The following MRPS18C variants were observed in gnomAD, a reference collection of about 807,000 sequenced individuals.
MRPS18C encodes mitochondrial ribosomal protein S18C, also known as small ribosomal subunit protein bS18m.
A neutral mutation model predicts 21.0 loss-of-function variants in MRPS18C; 21 were observed. That is an observed-to-expected ratio of 1.00 (90% CI 0.71 to 1.44). The LOEUF is 1.44. Among genes scored for constraint, MRPS18C ranks in the 40% most tolerant of loss-of-function variants. The pLI, the probability that MRPS18C is intolerant of heterozygous loss-of-function variation, is 0.00. For missense variants in MRPS18C, 152 were observed against 171.5 expected (o/e 0.89, Z 0.64); for synonymous variants, 65 against 54.3 (o/e 1.20, Z -0.87).
Position 83,456,189 on chromosome 4 carries a change from A to AT in MRPS18C, c.100+13dup, listed in dbSNP as rs2110024750. The AT allele has an allele frequency of 5.6e-6, 9 of 1,608,964 alleles. No homozygotes were observed. Among genetic ancestry groups the AT allele is most frequent in the Non-Finnish European group, 6.8e-6 (8 of 1,175,508 alleles). ...CGGGACTCACACGGGTAAAGTCTCC[A>AT]TATCCTATGCTCCATTGTAGCGCTG... On this transcript the variant is annotated intron_variant, in intron 1 of 5. Transcript: ENST00000295491.
At chr4:83,460,860 A>C (rs573173687) in intron 4 of MRPS18C, 113 bp from the exon 5 acceptor site, 1 of 840,632 alleles carries the variant, frequency 1.2e-6, no homozygotes, top group Non-Finnish European at 1.9e-6. Context: ...GAGGCGAGAG[A>C]GCACCACTGT....
intron 2 of MRPS18C, 71 bp from the exon 3 acceptor site, chr4:83,458,275 T>C: frequency 9.6e-7 from 1 of 1,040,518 alleles, no homozygotes. Flanking sequence ...TGGATTTGAA[T>C]GTAGAATAGT....
chr4:83,458,328 T>G lies in MRPS18C; in HGVS notation c.151-18T>G. 4.0e-6 allele frequency: 6 copies of G among 1,516,374 alleles called. No individual in the cohort carries two copies. The highest frequency in any genetic ancestry group is 5.5e-6 in the Non-Finnish European group (6 of 1,096,420). The allele number at this position is 1,516,374 out of a possible 1,614,324, so 93.9% of individuals were successfully genotyped here. A position where few individuals can be genotyped will look rare whatever the true frequency, so the allele number is the denominator to read the frequency against. On this transcript the variant is annotated intron_variant, in intron 2 of 5. Coordinates refer to ENST00000295491, the MANE Select transcript of MRPS18C (RefSeq NM_016067.4). ...AATTAACACATCCTATTATCAGACT[T>G]TTCGTTTTTTTCCCTAGCCCATTTC... is the stretch of plus-strand genomic sequence containing the variant.
rs557755042 is a variant in MRPS18C, at chr4:83,456,165, G to A, written c.88G>A (p.Gly30Arg). The change falls in exon 1 of 6, where the codon GGG becomes AGG. Residue 30 changes from glycine to arginine, a missense_variant. Gly to Arg is a moderately radical substitution (Grantham distance 125). Coordinates refer to ENST00000295491, the MANE Select transcript of MRPS18C (RefSeq NM_016067.4). ...GGCTGCTGTCAGCCTTACACATCCC[G>A]GGACTCACACGGGTAAAGTCTCCAT... Reference protein sequence around the residue: ...VTAAVSLTHPGTHTVLWRRGC... With the variant: ...VTAAVSLTHPRTHTVLWRRGC... 9 of 1,613,706 alleles carry A rather than the reference G, an allele frequency of 5.6e-6. No individual in the cohort carries two copies. Among genetic ancestry groups the A allele is most frequent in the African/African-American group, 1.3e-5 (1 of 74,906 alleles).
chr4:83,456,965 AT>A lies in MRPS18C; in HGVS notation c.150+16del, dbSNP rs199634680. 105 of 1,605,558 alleles carry A rather than the reference AT, an allele frequency of 6.5e-5. No individual in the cohort carries two copies. The highest frequency in any genetic ancestry group is 4.5e-5 in the East Asian group (2 of 44,650). On this transcript the variant is annotated splice_region_variant and intron_variant, in intron 2 of 5. Transcript: ENST00000295491. ...ATCCAGCAATGAGGACCTGGTAAGAATTTTTTTTTCTATTAGTAAGGCCTTT... is the reference window on the plus strand; with the variant it reads ...ATCCAGCAATGAGGACCTGGTAAGAATTTTTTTTCTATTAGTAAGGCCTTT...
At chr4:83,456,759 A>C in intron 1 of MRPS18C, 150 bp from the exon 2 acceptor site, 2 of 713,262 alleles carry the variant, frequency 2.8e-6, no homozygotes, top group Non-Finnish European at 4.5e-6. Context: ...TCTGTCCCAA[A>C]TATAAAAGTT....
chr4:83,461,344 C>T lies in MRPS18C; in HGVS notation c.*147C>T. ...CCCCTTCATACCAATGTCCATTAAG[C>T]AGATTGCTTATTTAAAATGTTAACA... On this transcript the variant is annotated 3_prime_UTR_variant, in exon 6 of 6. Coordinates refer to ENST00000295491, the MANE Select transcript of MRPS18C (RefSeq NM_016067.4). The T allele has an allele frequency of 1.6e-6, 1 of 642,200 alleles. No individual in the cohort carries two copies. The highest frequency in any genetic ancestry group is 2.7e-5 in the East Asian group (1 of 36,966). The allele number at this position is 642,200 out of a possible 1,614,324, so 39.8% of individuals were successfully genotyped here.
rs759861855 is a variant in MRPS18C, at chr4:83,456,086, T to C, written c.9T>C (p.Ala3=). The C allele has an allele frequency of 6.2e-7, 1 of 1,612,508 alleles. No homozygotes were observed. The highest frequency in any genetic ancestry group is 8.5e-7 in the Non-Finnish European group (1 of 1,180,000). MA[A]VVAVCGGLGR... ...GGAAGAAACGCGGAACCATGGCCGC[T>C]GTGGTTGCTGTTTGCGGTGGTCTAG... The change falls in exon 1 of 6, where the codon GCT becomes GCC. Residue 3 remains alanine, a synonymous_variant. Coordinates refer to ENST00000295491, the MANE Select transcript of MRPS18C (RefSeq NM_016067.4).
chr4:83,459,910 C>A (rs778916006), intron 4 of MRPS18C, 113 bp downstream of exon 4: 1 of 820,384 alleles, frequency 1.2e-6, no homozygotes, highest in Non-Finnish European at 1.9e-6. Context: ...ACTACTAGAT[C>A]AGATACTACA....
Position 83,461,372 on chromosome 4 carries a change from C to T in MRPS18C, c.*175C>T. 1.7e-6 allele frequency: 1 copy of T among 577,650 alleles called. No individual in the cohort carries two copies. Among genetic ancestry groups the T allele is most frequent in the South Asian group, 2.0e-5 (1 of 49,382 alleles). 35.8% of individuals were successfully genotyped at this position (577,650 alleles called of 1,614,324 possible). On this transcript the variant is annotated 3_prime_UTR_variant, in exon 6 of 6. Transcript: ENST00000295491. ...ATTGCTTATTTAAAATGTTAACACT[C>T]ATCACATTTTATCTATGTTGAATAA... is the stretch of plus-strand genomic sequence containing the variant.
chr4:83,457,539 A>G (rs1344379774), intron 2 of MRPS18C: 1 of 152,398 alleles, frequency 6.6e-6, no homozygotes, highest in Non-Finnish European at 1.5e-5. Context: ...GAAAAAACAA[A>G]AGAACTTGTC....
At position 83,459,740 on chromosome 4, in the gene MRPS18C, C is replaced by A. The variant is rs773613874; in HGVS notation, c.235C>A (p.Leu79Ile). 8.7e-6 allele frequency: 14 copies of A among 1,608,858 alleles called. No homozygotes were observed. The highest frequency in any genetic ancestry group is 1.2e-5 in the Non-Finnish European group (14 of 1,177,570). Residue 79 changes from leucine (L) to isoleucine (I), a missense_variant and splice_region_variant, in exon 4 of 6, where the codon CTT becomes ATT. By Grantham distance (5) the Leu-to-Ile change is conservative. Around this residue, in one of 2 missense-constraint regions of MRPS18C, gnomAD observed 118 missense variants for 104.4 expected, o/e 1.13. Transcript: ENST00000295491. ...CCCTCCACATAAAACTCCAAAACAGCTTTTGTCCCAGTTTGTTTCTCCATT... is the reference window on the plus strand; with the variant it reads ...CCCTCCACATAAAACTCCAAAACAGATTTTGTCCCAGTTTGTTTCTCCATT... ...GKHVDYKNVQ[L>I]LSQFVSPFTG...
rs1447939625 is a variant in MRPS18C at position 83,461,584 on chromosome 4, G to A, written c.*387G>A. The A allele has an allele frequency of 1.4e-5, 4 of 289,050 alleles. No homozygotes were observed. Among genetic ancestry groups the A allele is most frequent in the Non-Finnish European group, 2.0e-5 (3 of 150,290 alleles). 17.9% of individuals were successfully genotyped at this position (289,050 alleles called of 1,614,324 possible). Reference sequence around the variant, plus strand: ...GATGGATAGTGGTGCTGTCACAGAAGGACAAAATATTCCTAGACGAGTCTA... The same window carrying A: ...GATGGATAGTGGTGCTGTCACAGAAAGACAAAATATTCCTAGACGAGTCTA... On this transcript the variant is annotated 3_prime_UTR_variant, in exon 6 of 6. Transcript: ENST00000295491.
chr4:83,459,666 T>G, intron 3 of MRPS18C, 74 bp from the exon 4 acceptor site: 2 of 1,371,342 alleles, frequency 1.5e-6, no homozygotes, highest in Non-Finnish European at 2.0e-6. Context: ...CTGAAGGTTG[T>G]TTTTTGAAAT....
rs527722092 is a variant in MRPS18C, at chr4:83,456,947, A to G, written c.139A>G (p.Asn47Asp). Residue 47 changes from asparagine (N) to aspartate (D), a missense_variant, in exon 2 of 6, where the codon AAT (asparagine) becomes GAT (aspartate). Asn to Asp is a conservative substitution (Grantham distance 23). This residue lies in a region of MRPS18C where 118 missense variants were observed against 104.4 expected (regional missense o/e 1.13). Coordinates refer to ENST00000295491, the MANE Select transcript of MRPS18C (RefSeq NM_016067.4). Reference protein sequence around the residue: ...RRGCSQQVSSNEDLPISMENP... With the variant: ...RRGCSQQVSSDEDLPISMENP... ...AGGTTGTTCACAACAGGTATCCAGCAATGAGGACCTGGTAAGAATTTTTTT... is the reference window on the plus strand; with the variant it reads ...AGGTTGTTCACAACAGGTATCCAGCGATGAGGACCTGGTAAGAATTTTTTT... The G allele has an allele frequency of 6.2e-7, 1 of 1,612,220 alleles. No homozygotes were observed. Among genetic ancestry groups the G allele is most frequent in the African/African-American group, 1.3e-5 (1 of 75,004 alleles).
In MRPS18C at chr4:83,456,125, G is replaced by A. The variant is rs1344799799; in HGVS notation, c.48G>A (p.Leu16=). Residue 16 remains leucine (L), a synonymous_variant, in exon 1 of 6, where the codon TTG becomes TTA. Coordinates refer to ENST00000295491, the MANE Select transcript of MRPS18C (RefSeq NM_016067.4). The part of the protein sequence containing the change: ...AVCGGLGRKK[L]THLVTAAVSL... ...GCGGTGGTCTAGGGAGGAAGAAGTT[G>A]ACACACTTGGTAACGGCTGCTGTCA... is the stretch of plus-strand genomic sequence containing the variant. 6.2e-7 allele frequency: 1 copy of A among 1,613,222 alleles called. No individual in the cohort carries two copies. Among genetic ancestry groups the A allele is most frequent in the African/African-American group, 1.3e-5 (1 of 74,872 alleles).
chr4:83,460,177 T>TC (rs1159930261), intron 4 of MRPS18C: 1 of 154,402 alleles, frequency 6.5e-6, no homozygotes, highest in Non-Finnish European at 1.4e-5. Context: ...TTTTTTTTTT[T>TC]GAGATGGAAT....
intron 3 of MRPS18C, 92 bp from the exon 4 acceptor site, chr4:83,459,648 T>C: frequency 9.1e-7 from 1 of 1,101,548 alleles, no homozygotes; most frequent in Admixed American, 2.2e-5. Context: ...AGTAAAGCTT[T>C]ATATAACCTG....
Position 83,460,958 on chromosome 4 carries a change from C to CT in MRPS18C, c.293-10dup, listed in dbSNP as rs745790422. The CT allele has an allele frequency of 9.5e-6, 15 of 1,585,434 alleles. No individual in the cohort carries two copies. In the Admixed American group the frequency reaches 2.2e-4, roughly 23 times the overall value. On this transcript the variant is annotated splice_polypyrimidine_tract_variant and intron_variant, in intron 4 of 5. Coordinates refer to ENST00000295491, the MANE Select transcript of MRPS18C (RefSeq NM_016067.4). ...TTGACATTTTTTATGAATAAGAAAG[C>CT]TTTTTATTTTACAGGTCTTTGTGGG... is the stretch of plus-strand genomic sequence containing the variant.
Sources: gnomAD v4.1 joint callset for allele counts on GRCh38, gnomAD v4.1.1 for gene constraint, gnomAD v4.1.1 regional missense constraint, MANE v1.5 for transcripts, NCBI Gene and HGNC (gene_info 2026-07-23, HGNC 2026-07-21) for gene names.